Variants in PLEKHH2 observed in about 807,000 individuals in gnomAD.
PLEKHH2 encodes pleckstrin homology domain-containing family H member 2.
In PLEKHH2, 129 loss-of-function variants were observed where a neutral mutation model predicts 187.9. The observed-to-expected ratio is 0.69, with a 90% CI of 0.59 to 0.79. The LOEUF (loss-of-function observed/expected upper bound fraction) is 0.79. Ranked by LOEUF, PLEKHH2 falls within the 30% of genes least tolerant of loss-of-function variation. PLEKHH2 has a pLI of 0.00. For missense variants in PLEKHH2, 2,076 were observed against 1,751.2 expected (o/e 1.19, Z -3.31); for synonymous variants, 686 against 605.6 (o/e 1.13, Z -1.95).
At chr2:43,747,641 G>A (rs1317699717) in intron 24 of PLEKHH2, among the ~76,000 whole-genome samples, 1 of 152,096 alleles carries the variant, frequency 6.6e-6, no homozygotes, top group African/African-American at 2.4e-5. Context: ...GCAAAAGGTA[G>A]TACTTAATAA....
Position 43,723,733 on chromosome 2 carries a change from GGCAGATTCT to G in PLEKHH2, c.2542-2536_2542-2528del, listed in dbSNP as rs745551590. On this transcript the variant is annotated intron_variant, in intron 16 of 29. Coordinates refer to ENST00000282406, the MANE Select transcript of PLEKHH2 (RefSeq NM_172069.4). ...ATGCCAAAGTGATATCTGTTGGGGT[GGCAGATTCT>G]GCCACCCTTCAGCTTTTGCTCTGAG... 1.9e-4 allele frequency among the ~76,000 whole-genome samples: 29 copies of G among 152,170 alleles called. 1 individual carries two copies. The highest frequency in any genetic ancestry group is 3.4e-4 in the Non-Finnish European group (23 of 68,038).
rs751207191 is a variant in PLEKHH2 at position 43,758,949 on chromosome 2, A to G, written c.3991A>G (p.Ser1331Gly). ...STRWMALRGH[S>G]AADCVRIYLT... ...CAGATGGATGGCCCTCCGGGGACAC[A>G]GTGCTGCTGACTGTGTGCGCATTTA... is the stretch of plus-strand genomic sequence containing the variant. Residue 1331 changes from serine to glycine, a missense_variant, in exon 27 of 30, where the codon AGT becomes GGT. Coordinates refer to ENST00000282406, the MANE Select transcript of PLEKHH2 (RefSeq NM_172069.4). The G allele has an allele frequency of 1.2e-6, 2 of 1,607,568 alleles. No homozygotes were observed. Among genetic ancestry groups the G allele is most frequent in the Non-Finnish European group, 1.7e-6 (2 of 1,174,770 alleles).
intron 2 of PLEKHH2, among the ~76,000 whole-genome samples, chr2:43,655,378 A>T (rs1666702235): frequency 6.6e-6 from 1 of 152,182 alleles, no homozygotes; most frequent in Non-Finnish European, 1.5e-5. Context: ...AGAGCAGAGT[A>T]TCAAAACCAG....
At chr2:43,675,393 A>C in intron 2 of PLEKHH2, 1 of 1,593,000 alleles carries the variant, frequency 6.3e-7, no homozygotes, top group Non-Finnish European at 8.5e-7. Flanking sequence ...TTTCTGAACC[A>C]ACTGGAGGCA....
At chr2:43,657,945 A>C (rs926953788) in intron 2 of PLEKHH2, among the ~76,000 whole-genome samples, 1 of 152,188 alleles carries the variant, frequency 6.6e-6, no homozygotes, top group Non-Finnish European at 1.5e-5. Context: ...CTACACTTTA[A>C]ATTATAACAC....
At chr2:43,745,488 C>T (rs1395446730) in intron 23 of PLEKHH2, among the ~76,000 whole-genome samples, 1 of 152,130 alleles carries the variant, frequency 6.6e-6, no homozygotes, top group Non-Finnish European at 1.5e-5. Context: ...TGTCAAATTT[C>T]TTTGGTATAA....
chr2:43,668,535 G>T (rs1388084442), intron 2 of PLEKHH2, among the ~76,000 whole-genome samples: 2 of 152,024 alleles, frequency 1.3e-5, no homozygotes, highest in Non-Finnish European at 2.9e-5. Context: ...AGACATACAG[G>T]CTACTTATAG....
chr2:43,757,776 A>G (rs1672273981), intron 26 of PLEKHH2, among the ~76,000 whole-genome samples: 1 of 148,212 alleles, frequency 6.7e-6, no homozygotes, highest in South Asian at 2.2e-4. Context: ...ACTTTCTTTA[A>G]TTAAAAAAAA....
At chr2:43,717,917 A>G (rs140058040) in intron 15 of PLEKHH2, among the ~76,000 whole-genome samples, 1 of 152,238 alleles carries the variant, frequency 6.6e-6, no homozygotes, top group African/African-American at 2.4e-5. Flanking sequence ...AGCTATTATC[A>G]TCCAAGAGTT....
At chr2:43,653,252 T>C (rs1418246467) in intron 2 of PLEKHH2, among the ~76,000 whole-genome samples, 1 of 152,124 alleles carries the variant, frequency 6.6e-6, no homozygotes, top group Non-Finnish European at 1.5e-5. Flanking sequence ...AATGAACGTT[T>C]AGAATATAGA....
chr2:43,724,734 G>A (rs1342033691), intron 16 of PLEKHH2, among the ~76,000 whole-genome samples: 1 of 152,096 alleles, frequency 6.6e-6, no homozygotes, highest in African/African-American at 2.4e-5. Context: ...TTTTCAATAA[G>A]CAGTTTTGAG....
chr2:43,710,529 G>C lies in PLEKHH2; in HGVS notation c.2255G>C (p.Ser752Thr). 3 of 1,593,458 alleles carry C rather than the reference G, an allele frequency of 1.9e-6. No individual in the cohort carries two copies. In the South Asian group the frequency reaches 3.5e-5, roughly 19 times the overall value. ...IRKPQGHIEL[S>T]ASCSILRGDN... ...AAACCCCAGGGCCATATTGAACTTA[G>C]TGCATCCTGTAGTATTTTAAGAGGA... is the stretch of plus-strand genomic sequence containing the variant. The change falls in exon 14 of 30, where the codon AGT (serine) becomes ACT (threonine). Residue 752 changes from serine (S) to threonine (T), a missense_variant. Ser to Thr is a moderately conservative substitution (Grantham distance 58, BLOSUM62 1). Transcript: ENST00000282406.
At chr2:43,666,255 C>G (rs1464735225) in intron 2 of PLEKHH2, among the ~76,000 whole-genome samples, 4 of 151,036 alleles carry the variant, frequency 2.6e-5, no homozygotes, top group Non-Finnish European at 4.4e-5. Context: ...ATCCGTCACC[C>G]CTTTCTTTGA....
At chr2:43,714,563 A>T (rs986300645) in intron 15 of PLEKHH2, among the ~76,000 whole-genome samples, 2 of 152,204 alleles carry the variant, frequency 1.3e-5, no homozygotes, top group African/African-American at 4.8e-5. Flanking sequence ...TCAGGTTGTC[A>T]CATTGTTTTT....
At chr2:43,639,469 G>A (rs1703267200) in intron 1 of PLEKHH2, among the ~76,000 whole-genome samples, 1 of 152,006 alleles carries the variant, frequency 6.6e-6, no homozygotes. Context: ...CCTACTTTCT[G>A]TCCTTTGGAT....
intron 25 of PLEKHH2, among the ~76,000 whole-genome samples, chr2:43,755,029 T>A (rs555183956): frequency 6.6e-6 from 1 of 152,056 alleles, no homozygotes; most frequent in South Asian, 2.1e-4. Flanking sequence ...CTCACCACCA[T>A]GCTCTGCTAA....
chr2:43,648,910 T>TAGCAAAA (rs1666331994), intron 2 of PLEKHH2, among the ~76,000 whole-genome samples: 3 of 152,210 alleles, frequency 2.0e-5, no homozygotes, highest in Admixed American at 1.3e-4. Context: ...ATAGCAGATG[T>TAGCAAAA]ATTTCTGAAT....
chr2:43,691,393 G>C (rs1412112362), intron 3 of PLEKHH2, among the ~76,000 whole-genome samples: 1 of 152,204 alleles, frequency 6.6e-6, no homozygotes, highest in African/African-American at 2.4e-5. Flanking sequence ...TGATTGGCTT[G>C]TGAGTAAGCA....
At chr2:43,670,534 CTAATA>C (rs1667446063) in intron 2 of PLEKHH2, among the ~76,000 whole-genome samples, 1 of 152,146 alleles carries the variant, frequency 6.6e-6, no homozygotes, top group African/African-American at 2.4e-5. Context: ...TTCTATTCAT[CTAATA>C]TGTCTGTTTT....
Sources: gnomAD v4.1 joint callset for allele counts (sites outside exome capture counted in the v4.1 genomes callset) on GRCh38, gnomAD v4.1.1 for gene constraint, MANE v1.5 for transcripts, NCBI Gene and HGNC (gene_info 2026-07-23, HGNC 2026-07-21) for gene names.